SMPDL3B: variants seen among roughly 807,000 people sequenced by gnomAD.
The protein encoded by SMPDL3B is sphingomyelin phosphodiesterase acid like 3B, also known as acid sphingomyelinase-like phosphodiesterase 3b.
Under a neutral mutation model 37.9 loss-of-function variants are expected in SMPDL3B, and 31 were observed. The observed-to-expected ratio is 0.82, with a 90% CI of 0.61 to 1.10. The LOEUF (loss-of-function observed/expected upper bound fraction) is 1.10, where lower values mean the gene tolerates loss of function less well. Among genes scored for constraint, SMPDL3B ranks in the 50% least tolerant of loss-of-function variants. The pLI, the probability that SMPDL3B is intolerant of heterozygous loss-of-function variation, is 0.00. For missense variants in SMPDL3B, 525 were observed against 597.8 expected, an observed-to-expected ratio of 0.88 and a Z score of 1.27; for synonymous variants, 235 against 242.6, an observed-to-expected ratio of 0.97 and a Z score of 0.29.
At chr1:27,937,823 A>G (rs1357382164) in intron 1 of SMPDL3B, among the ~76,000 whole-genome samples, 2 of 152,210 alleles carry the variant, frequency 1.3e-5, no homozygotes, top group Non-Finnish European at 2.9e-5. Flanking sequence ...CTCCAGAGGC[A>G]GGGCTTTGAC....
rs750828828 is a variant in SMPDL3B at position 27,958,863 on chromosome 1, G to C, written c.*25G>C. 1.3e-6 allele frequency: 2 copies of C among 1,531,954 alleles called. No individual in the cohort carries two copies. The highest frequency in any genetic ancestry group is 1.8e-6 in the Non-Finnish European group (2 of 1,135,854). 94.9% of individuals were successfully genotyped at this position (1,531,954 alleles called of 1,614,324 possible). A position where few individuals can be genotyped will look rare whatever the true frequency, so the allele number is the denominator to read the frequency against. On this transcript the variant is annotated 3_prime_UTR_variant, in exon 8 of 8. Coordinates refer to ENST00000373894, the MANE Select transcript of SMPDL3B (RefSeq NM_014474.4). The surrounding 1 kb of genome is among the most constrained non-coding windows in gnomAD (Gnocchi z 5.6). ...ACCTGCCAGGCTCACCTTCTTCCTGGTAACGGGTAACGGGGGCAGCGCCCA... is the reference window on the plus strand; with the variant it reads ...ACCTGCCAGGCTCACCTTCTTCCTGCTAACGGGTAACGGGGGCAGCGCCCA...
At chr1:27,935,362 C>T (rs2090298174) in intron 1 of SMPDL3B, 118 bp downstream of exon 1, 1 of 735,832 alleles carries the variant, frequency 1.4e-6, no homozygotes, top group Admixed American at 2.4e-5. Flanking sequence ...AGGAGCTAGG[C>T]AGGGAGGCAG....
At chr1:27,949,276 G>A (rs1411109077) in intron 3 of SMPDL3B, 114 bp downstream of exon 3, 24 of 1,091,374 alleles carry the variant, frequency 2.2e-5, no homozygotes, top group Admixed American at 5.9e-5. Flanking sequence ...CATGGACAGC[G>A]ATGGCTGTTG....
At chr1:27,954,051 A>G (rs2090477368) in intron 4 of SMPDL3B, among the ~76,000 whole-genome samples, 1 of 152,254 alleles carries the variant, frequency 6.6e-6, no homozygotes, top group African/African-American at 2.4e-5. Context: ...TGAAGGGTCG[A>G]CAGTGGATCT....
rs535368967 is a variant in SMPDL3B at position 27,943,874 on chromosome 1, C to T, written c.62-1358C>T. On this transcript the variant is annotated intron_variant, in intron 1 of 7. Coordinates refer to ENST00000373894, the MANE Select transcript of SMPDL3B (RefSeq NM_014474.4). ...TACAAAAAAAAAAAAATTAGCTGGG[C>T]GTGGTGGCGCATGACTGTAATCCCA... Among the ~76,000 whole-genome samples the T allele has an allele frequency of 3.1e-3, 469 of 151,688 alleles. 3 individuals carry two copies. The highest frequency in any genetic ancestry group is 0.011 in the African/African-American group (444 of 41,314).
chr1:27,955,472 C>G (rs2090492056), intron 5 of SMPDL3B, among the ~76,000 whole-genome samples: 1 of 152,118 alleles, frequency 6.6e-6, no homozygotes. Flanking sequence ...GAAGGGTACT[C>G]CAGGTGGCAG....
At chr1:27,951,674 C>T (rs2090456493) in intron 3 of SMPDL3B, among the ~76,000 whole-genome samples, 1 of 152,286 alleles carries the variant, frequency 6.6e-6, no homozygotes, top group Admixed American at 6.5e-5. Flanking sequence ...TAGCAAGACC[C>T]TGCTTCTACA....
At chr1:27,947,271 G>A (rs1407690698) in intron 2 of SMPDL3B, among the ~76,000 whole-genome samples, 2 of 151,986 alleles carry the variant, frequency 1.3e-5, no homozygotes, top group Non-Finnish European at 2.9e-5. Context: ...CCCGACCTCA[G>A]GTGATCTGCC....
In SMPDL3B at chr1:27,955,679, T is replaced by C; in HGVS notation, c.691-5T>C. The C allele has an allele frequency of 6.2e-7, 1 of 1,610,842 alleles. No individual in the cohort carries two copies. The highest frequency in any genetic ancestry group is 1.1e-5 in the South Asian group (1 of 90,936). On this transcript the variant is annotated splice_region_variant and splice_polypyrimidine_tract_variant and intron_variant, in intron 5 of 7. Transcript: ENST00000373894. ...GAGCCTCTTCTGGGAACCCCTCCCTTGTAGGTGTACATTGTCGGCCACGTG... is the reference window on the plus strand; with the variant it reads ...GAGCCTCTTCTGGGAACCCCTCCCTCGTAGGTGTACATTGTCGGCCACGTG...
At position 27,954,485 on chromosome 1, in the gene SMPDL3B, C is replaced by G. The variant is rs955487572; in HGVS notation, c.649C>G (p.Leu217Val). 1 of 1,613,916 alleles carries G rather than the reference C, an allele frequency of 6.2e-7. No homozygotes were observed. Among genetic ancestry groups the G allele is most frequent in the African/African-American group, 1.3e-5 (1 of 74,934 alleles). Residue 217 changes from leucine to valine, a missense_variant, in exon 5 of 8, where the codon CTG becomes GTG. Coordinates refer to ENST00000373894, the MANE Select transcript of SMPDL3B (RefSeq NM_014474.4). ...MADPGQQFQW[L>V]EDVLTDASKA... ...GGACCCTGGCCAGCAGTTCCAGTGG[C>G]TGGAAGATGTGCTGACCGATGCATC...
At chr1:27,955,470 C>T (rs138861016) in intron 5 of SMPDL3B, among the ~76,000 whole-genome samples, 151 of 152,244 alleles carry the variant, frequency 9.9e-4, no homozygotes, top group Non-Finnish European at 1.7e-3. Flanking sequence ...GAGAAGGGTA[C>T]TCCAGGTGGC....
chr1:27,941,520 G>A (rs1427917744), intron 1 of SMPDL3B: 1 of 152,280 alleles, frequency 6.6e-6, no homozygotes, highest in African/African-American at 2.4e-5. Context: ...CGGGCTTGGT[G>A]CTCTCATGGA....
At chr1:27,942,284 A>C (rs1425245817) in intron 1 of SMPDL3B, 1 of 468,538 alleles carries the variant, frequency 2.1e-6, no homozygotes, top group Admixed American at 2.4e-5. Context: ...GAGGAAGCGC[A>C]AGGACCATGT....
intron 3 of SMPDL3B, among the ~76,000 whole-genome samples, chr1:27,950,763 TG>T (rs2090449687): frequency 6.6e-6 from 1 of 152,226 alleles, no homozygotes; most frequent in Admixed American, 6.5e-5. Flanking sequence ...CCTGAGTAGC[TG>T]GACTCTAGGC....
Position 27,958,632 on chromosome 1 carries a change from A to C in SMPDL3B, c.1162A>C (p.Thr388Pro). 1 of 1,613,738 alleles carries C rather than the reference A, an allele frequency of 6.2e-7. No individual in the cohort carries two copies. The highest frequency in any genetic ancestry group is 8.5e-7 in the Non-Finnish European group (1 of 1,179,802). The change falls in exon 8 of 8, where the codon ACA becomes CCA. Residue 388 changes from threonine (T) to proline (P), a missense_variant. By Grantham distance (38) the Thr-to-Pro change is conservative (BLOSUM62 -1). Transcript: ENST00000373894. This position sits in a 1 kb window ranked among gnomAD's most constrained non-coding sequence, Gnocchi z 5.6. ...VLDRIAGDQS[T>P]LQRYYVYNSV... is the part of the protein sequence containing the mutation. ...GGACCGCATCGCTGGCGACCAGAGCACACTGCAGCGCTACTACGTCTATAA... is the reference window on the plus strand; with the variant it reads ...GGACCGCATCGCTGGCGACCAGAGCCCACTGCAGCGCTACTACGTCTATAA...
At position 27,958,891 on chromosome 1, in the gene SMPDL3B, A is replaced by G; in HGVS notation, c.*53A>G. On this transcript the variant is annotated 3_prime_UTR_variant, in exon 8 of 8. Coordinates refer to ENST00000373894, the MANE Select transcript of SMPDL3B (RefSeq NM_014474.4). The surrounding 1 kb of genome is among the most constrained non-coding windows in gnomAD (Gnocchi z 5.6). ...ACGGGTAACGGGGGCAGCGCCCAGG[A>G]TCACCCAGAGCTGGGCCTTCCACCA... is the stretch of plus-strand genomic sequence containing the variant. The G allele has an allele frequency of 6.7e-7, 1 of 1,489,842 alleles. No individual in the cohort carries two copies. Among genetic ancestry groups the G allele is most frequent in the Non-Finnish European group, 9.0e-7 (1 of 1,116,170 alleles). The allele number at this position is 1,489,842 out of a possible 1,614,324, so 92.3% of individuals were successfully genotyped here. A position where few individuals can be genotyped will look rare whatever the true frequency, so the allele number is the denominator to read the frequency against.
At position 27,958,641 on chromosome 1, in the gene SMPDL3B, C is replaced by T. The variant is rs771016104; in HGVS notation, c.1171C>T (p.Arg391Cys). The T allele has an allele frequency of 2.5e-6, 4 of 1,613,752 alleles. No homozygotes were observed. The highest frequency in any genetic ancestry group is 2.7e-5 in the African/African-American group (2 of 74,938). The part of the protein sequence containing the change: ...RIAGDQSTLQ[R>C]YYVYNSVSYS... ...CGCTGGCGACCAGAGCACACTGCAGCGCTACTACGTCTATAACTCAGTCAG... is the reference window on the plus strand; with the variant it reads ...CGCTGGCGACCAGAGCACACTGCAGTGCTACTACGTCTATAACTCAGTCAG... Residue 391 changes from arginine (R) to cysteine (C), a missense_variant, in exon 8 of 8, where the codon CGC becomes TGC. Physicochemically the swap from Arg to Cys is radical, Grantham distance 180. Transcript: ENST00000373894. This position sits in a 1 kb window ranked among gnomAD's most constrained non-coding sequence, Gnocchi z 5.6.
chr1:27,958,337 G>A lies in SMPDL3B; in HGVS notation c.1006-139G>A. On this transcript the variant is annotated intron_variant, in intron 7 of 7. Coordinates refer to ENST00000373894, the MANE Select transcript of SMPDL3B (RefSeq NM_014474.4). The surrounding 1 kb of genome is among the most constrained non-coding windows in gnomAD (Gnocchi z 5.6). Reference sequence around the variant, plus strand: ...TCAGAGGATGTCTGCCAAGCACAATGGGTGCACAGCTAAGTGCTCAATAAC... The same window carrying A: ...TCAGAGGATGTCTGCCAAGCACAATAGGTGCACAGCTAAGTGCTCAATAAC... 8.7e-7 allele frequency: 1 copy of A among 1,145,164 alleles called. No individual in the cohort carries two copies. The highest frequency in any genetic ancestry group is 1.2e-6 in the Non-Finnish European group (1 of 811,838). 70.9% of individuals were successfully genotyped at this position (1,145,164 alleles called of 1,614,324 possible).
chr1:27,935,091 G>T lies in SMPDL3B; in HGVS notation c.-93G>T. 1.1e-6 allele frequency: 1 copy of T among 936,982 alleles called. No individual in the cohort carries two copies. The highest frequency in any genetic ancestry group is 1.7e-6 in the Non-Finnish European group (1 of 585,880). 58.0% of individuals were successfully genotyped at this position (936,982 alleles called of 1,614,324 possible). On this transcript the variant is annotated 5_prime_UTR_variant, in exon 1 of 8. Transcript: ENST00000373894. ...TAACAGGACAAGGAGTTCTGCTCAG[G>T]CACGTGGCCACAGAAAACTACTTAG...
Sources: gnomAD v4.1 joint callset for allele counts (sites outside exome capture counted in the v4.1 genomes callset) on GRCh38, gnomAD v4.1.1 for gene constraint, Gnocchi (gnomAD v3.1) non-coding constraint, MANE v1.5 for transcripts, NCBI Gene and HGNC (gene_info 2026-07-23, HGNC 2026-07-21) for gene names.